Variants in N4BP2L2 observed in about 807,000 individuals in gnomAD.
The protein encoded by N4BP2L2 is NEDD4-binding protein 2-like 2.
In N4BP2L2, 50 loss-of-function variants were observed where a neutral mutation model predicts 56.2. The observed-to-expected ratio is 0.89, with a 90% CI of 0.71 to 1.13. N4BP2L2 has a LOEUF of 1.13. N4BP2L2 is among the 50% of genes most tolerant of loss of function. N4BP2L2 has a pLI of 0.00. For missense variants in N4BP2L2, 689 were observed against 693.8 expected (o/e 0.99, Z 0.08); for synonymous variants, 203 against 223.6 (o/e 0.91, Z 0.82).
In N4BP2L2 at chr13:32,449,698, T is replaced by A. The variant is rs970577765; in HGVS notation, c.366-5572A>T. 3.3e-5 allele frequency among the ~76,000 whole-genome samples: 5 copies of A among 152,218 alleles called. No homozygotes were observed. In the East Asian group the frequency reaches 9.6e-4, roughly 29 times the overall value. On this transcript the variant is annotated intron_variant, in intron 6 of 9. Coordinates refer to the N4BP2L2 transcript ENST00000357505. The stretch of plus-strand genomic sequence containing the variant: ...CAATGCTTGACACATAGTGGGTACT[T>A]CATAAATGGCAGCTCTTATTTTTAT...
rs78240157 is a variant in N4BP2L2 at position 32,469,584 on chromosome 13, C to T, written c.366-25458G>A. ...AAAGGTAGGCCTAGGGACCCCCACC[C>T]CCACTGAGTTGTGGGAGTTAGGCAA... On this transcript the variant is annotated intron_variant, in intron 6 of 9. Transcript: ENST00000357505. Among the ~76,000 whole-genome samples, 730 of 152,292 alleles carry T rather than the reference C, an allele frequency of 4.8e-3. 5 individuals are homozygous for T. Among genetic ancestry groups the T allele is most frequent in the African/African-American group, 0.017 (699 of 41,554 alleles).
intron 6 of N4BP2L2, among the ~76,000 whole-genome samples, chr13:32,446,196 T>C (rs942309427): frequency 6.6e-6 from 1 of 152,230 alleles, no homozygotes; most frequent in African/African-American, 2.4e-5. Context: ...TCTTTGTCAC[T>C]AATTGCTGCT....
At chr13:32,480,730 C>T in intron 6 of N4BP2L2, 1 of 676,236 alleles carries the variant, frequency 1.5e-6, no homozygotes. Flanking sequence ...TGTGCTACTA[C>T]TATTTTCATT....
At chr13:32,456,167 CCTGAGGA>C (rs2138591234) in intron 6 of N4BP2L2, among the ~76,000 whole-genome samples, 1 of 152,302 alleles carries the variant, frequency 6.6e-6, no homozygotes, top group Admixed American at 6.5e-5. Flanking sequence ...ACCACTTGGG[CCTGAGGA>C]CTGAGGACTT....
intron 6 of N4BP2L2, among the ~76,000 whole-genome samples, chr13:32,454,736 G>A (rs934917785): frequency 6.6e-6 from 1 of 152,150 alleles, no homozygotes; most frequent in Non-Finnish European, 1.5e-5. Flanking sequence ...GCTGGCTAGA[G>A]GCATCCAGCA....
At chr13:32,527,333 A>G in intron 3 of N4BP2L2, 75 bp downstream of exon 3, 3 of 1,513,206 alleles carry the variant, frequency 2.0e-6, no homozygotes, top group Non-Finnish European at 1.8e-6. Flanking sequence ...GTAAAAACCT[A>G]AGCTGAAAAT....
chr13:32,507,566 A>T (rs917518332), downstream of N4BP2L2: 2 of 152,120 alleles, frequency 1.3e-5, no homozygotes, highest in African/African-American at 4.8e-5. Flanking sequence ...GTGACATCTC[A>T]GGTGAGACCT....
intron 6 of N4BP2L2, among the ~76,000 whole-genome samples, chr13:32,488,539 T>C (rs540935339): frequency 1.2e-4 from 18 of 152,280 alleles, no homozygotes; most frequent in African/African-American, 4.1e-4. Flanking sequence ...GTAACTAAAA[T>C]ACAAGTTGAA....
intron 6 of N4BP2L2, chr13:32,444,173 T>C: frequency 7.3e-7 from 1 of 1,362,566 alleles, no homozygotes; most frequent in Non-Finnish European, 9.7e-7. Context: ...ATTACATGTA[T>C]AACATAAGCA....
At chr13:32,452,647 TTTTA>T (rs1593487373) in intron 6 of N4BP2L2, among the ~76,000 whole-genome samples, 1 of 152,182 alleles carries the variant, frequency 6.6e-6, no homozygotes, top group South Asian at 2.1e-4. Context: ...GTAGAAATTG[TTTTA>T]TTTATTTTTT....
chr13:32,526,818 G>GTTTTTTTTTTTTTGT (rs2053018212), intron 3 of N4BP2L2: 1 of 24,236 alleles, frequency 4.1e-5, no homozygotes, highest in Non-Finnish European at 7.9e-5. Context: ...CTTTTTGTCT[G>GTTTTTTTTTTTTTGT]TTTTTTTTTT....
At chr13:32,522,127 T>C in intron 4 of N4BP2L2, 55 bp downstream of exon 4, 1 of 1,181,772 alleles carries the variant, frequency 8.5e-7, no homozygotes, top group South Asian at 1.4e-5. Flanking sequence ...AATTTTAGAA[T>C]GTGAAAAAAT....
chr13:32,523,889 AAATCTTAC>A (rs2051835226), intron 3 of N4BP2L2: 1 of 152,036 alleles, frequency 6.6e-6, no homozygotes, highest in Non-Finnish European at 1.5e-5. Context: ...GGGTGCACCA[AAATCTTAC>A]AAATAACCAC....
chr13:32,493,220 C>G (rs2087628274), intron 6 of N4BP2L2, among the ~76,000 whole-genome samples: 1 of 151,990 alleles, frequency 6.6e-6, no homozygotes, highest in South Asian at 2.1e-4. Flanking sequence ...CCACCGTGCC[C>G]AGTCTCTTTC....
chr13:32,438,765 A>C, intron 7 of N4BP2L2: 51 of 1,513,724 alleles, frequency 3.4e-5, no homozygotes, highest in South Asian at 4.7e-5. Flanking sequence ...ACCTAATCTC[A>C]TCTCTAATGT....
chr13:32,498,766 G>C (rs2089341490), intron 6 of N4BP2L2, among the ~76,000 whole-genome samples: 1 of 151,184 alleles, frequency 6.6e-6, no homozygotes, highest in Non-Finnish European at 1.5e-5. Flanking sequence ...ACTTTGGGAG[G>C]CTAAGGCAGG....
intron 6 of N4BP2L2, among the ~76,000 whole-genome samples, chr13:32,501,569 C>A (rs2090007772): frequency 6.6e-6 from 1 of 152,072 alleles, no homozygotes. Context: ...AATCCCAGCA[C>A]TTTGGGAGGC....
At chr13:32,532,660 G>A (rs1331727800) in intron 2 of N4BP2L2, among the ~76,000 whole-genome samples, 3 of 145,802 alleles carry the variant, frequency 2.1e-5, no homozygotes, top group Admixed American at 1.4e-4. Flanking sequence ...GTGTGATCTC[G>A]GCTCACTGCA....
chr13:32,453,694 T>C (rs2078490723), intron 6 of N4BP2L2, among the ~76,000 whole-genome samples: 1 of 152,216 alleles, frequency 6.6e-6, no homozygotes, highest in African/African-American at 2.4e-5. Context: ...TCTACTGCTC[T>C]CCAGATTAAT....
Sources: gnomAD v4.1 joint callset for allele counts (sites outside exome capture counted in the v4.1 genomes callset) on GRCh38, gnomAD v4.1.1 for gene constraint, MANE v1.5 for transcripts, NCBI Gene and HGNC (gene_info 2026-07-23, HGNC 2026-07-21) for gene names.